Variants in ST8SIA4 observed in about 807,000 individuals in gnomAD.
The protein encoded by ST8SIA4 is ST8 alpha-N-acetyl-neuraminide alpha-2,8-sialyltransferase 4, also known as CMP-N-acetylneuraminate-poly-alpha-2,8-sialyltransferase.
ST8SIA4 carries 15 observed loss-of-function variants against 33.9 expected under a neutral mutation model. The ratio of observed to expected loss-of-function variants is 0.44; its 90% CI spans 0.30 to 0.68. The LOEUF (loss-of-function observed/expected upper bound fraction) is 0.68. ST8SIA4 is among the 30% of genes least tolerant of loss of function. The probability of loss-of-function intolerance (pLI) is 0.10; values close to 1 mark genes in which losing one functional copy is unlikely to be tolerated. For missense variants in ST8SIA4, 321 were observed against 428.0 expected, an observed-to-expected ratio of 0.75 and a Z score of 2.21; for synonymous variants, 171 against 151.2, an observed-to-expected ratio of 1.13 and a Z score of -0.96.
chr5:100,807,480 G>A lies in ST8SIA4; in HGVS notation c.*4367C>T, dbSNP rs975779198. The stretch of plus-strand genomic sequence containing the variant: ...ACAAAGAAACGGTTTTTATTAAAAG[G>A]TGCTACTTAAATGAGAAACACAAGG... On this transcript the variant is annotated 3_prime_UTR_variant, in exon 5 of 5. Transcript: ENST00000231461. 1.3e-5 allele frequency: 2 copies of A among 152,406 alleles called. No homozygotes were observed. Among genetic ancestry groups the A allele is most frequent in the African/African-American group, 4.8e-5 (2 of 41,402 alleles). 9.4% of individuals were successfully genotyped at this position (152,406 alleles called of 1,614,324 possible).
intron 4 of ST8SIA4, among the ~76,000 whole-genome samples, chr5:100,812,936 T>C (rs1201373888): frequency 8.5e-5 from 13 of 152,128 alleles, no homozygotes; most frequent in African/African-American, 2.9e-4. Flanking sequence ...ATGACCTTTT[T>C]TGAAAACAGC....
intron 4 of ST8SIA4, among the ~76,000 whole-genome samples, chr5:100,849,727 G>A (rs1225582722): frequency 6.6e-6 from 1 of 152,106 alleles, no homozygotes; most frequent in Non-Finnish European, 1.5e-5. Flanking sequence ...CTCAGAAGGC[G>A]GAGGTTGCAG....
chr5:100,878,474 G>A (rs1752350903), intron 3 of ST8SIA4, among the ~76,000 whole-genome samples: 1 of 152,224 alleles, frequency 6.6e-6, no homozygotes, highest in Non-Finnish European at 1.5e-5. Context: ...ACTGTGCTGG[G>A]CTGCAAAGTT....
At chr5:100,830,984 GACCTATAGCTTCTCAAAATAAA>G (rs1323986842) in intron 4 of ST8SIA4, among the ~76,000 whole-genome samples, 1 of 152,018 alleles carries the variant, frequency 6.6e-6, no homozygotes. Context: ...CTTAAAATTA[GACCTATAGCTTCTCAAAATAAA>G]ACCTATTACA....
chr5:100,889,593 T>C (rs929144805), intron 2 of ST8SIA4, among the ~76,000 whole-genome samples: 1 of 152,008 alleles, frequency 6.6e-6, no homozygotes, highest in African/African-American at 2.4e-5. Context: ...TGCTGTGTTA[T>C]AGACAGTTAG....
At position 100,873,340 on chromosome 5, in the gene ST8SIA4, A is replaced by G. The variant is rs1580475182; in HGVS notation, c.503+13003T>C. Among the ~76,000 whole-genome samples the G allele has an allele frequency of 3.3e-5, 5 of 152,196 alleles. 1 individual carries two copies. The highest frequency in any genetic ancestry group is 3.3e-4 in the Admixed American group (5 of 15,270). On this transcript the variant is annotated intron_variant, in intron 3 of 4. Coordinates refer to ENST00000231461, the MANE Select transcript of ST8SIA4 (RefSeq NM_005668.6). Reference sequence around the variant, plus strand: ...GATGAGGAGAAGATAGAATGGAGGAAAGGTAAGTAGAAAGAAATAAGTAAA... The same window carrying G: ...GATGAGGAGAAGATAGAATGGAGGAGAGGTAAGTAGAAAGAAATAAGTAAA...
intron 3 of ST8SIA4, among the ~76,000 whole-genome samples, chr5:100,859,729 G>T (rs1751893646): frequency 6.6e-6 from 1 of 151,916 alleles, no homozygotes; most frequent in South Asian, 2.1e-4. Context: ...ATTTATTTTA[G>T]AATTCATAGG....
chr5:100,857,703 T>C (rs984196368), intron 3 of ST8SIA4, among the ~76,000 whole-genome samples: 2 of 152,030 alleles, frequency 1.3e-5, no homozygotes, highest in Non-Finnish European at 2.9e-5. Flanking sequence ...TGTGTTCTGA[T>C]ACTAAAAATA....
Position 100,889,805 on chromosome 5 carries a change from G to A in ST8SIA4, c.246-3205C>T, listed in dbSNP as rs1169021165. ...ATTACTAAATGCAGATTGTAATTAT[G>A]TGTTTTTCCAATGTTGTTATAGGCT... On this transcript the variant is annotated intron_variant, in intron 2 of 4. Coordinates refer to ENST00000231461, the MANE Select transcript of ST8SIA4 (RefSeq NM_005668.6). Among the ~76,000 whole-genome samples the A allele has an allele frequency of 2.0e-5, 3 of 151,976 alleles. No individual in the cohort carries two copies. The East Asian group carries it at 5.8e-4, about 29-fold the overall frequency.
intron 3 of ST8SIA4, chr5:100,885,784 G>A (rs953320638): frequency 6.6e-6 from 6 of 911,202 alleles, no homozygotes; most frequent in African/African-American, 5.4e-5. Context: ...AAACATGCAC[G>A]CTTAATTATG....
chr5:100,848,698 C>T (rs1751620861), intron 4 of ST8SIA4, among the ~76,000 whole-genome samples: 1 of 149,928 alleles, frequency 6.7e-6, no homozygotes, highest in South Asian at 2.1e-4. Context: ...ATATATATAA[C>T]AAATAAATAC....
intron 3 of ST8SIA4, among the ~76,000 whole-genome samples, chr5:100,861,678 C>T (rs557395638): frequency 3.3e-5 from 5 of 152,252 alleles, no homozygotes; most frequent in African/African-American, 1.2e-4. Context: ...AGCTTCATTT[C>T]TATTCTTAGC....
intron 4 of ST8SIA4, among the ~76,000 whole-genome samples, chr5:100,824,672 G>A (rs1751101526): frequency 6.6e-6 from 1 of 151,934 alleles, no homozygotes; most frequent in South Asian, 2.1e-4. Flanking sequence ...AGGTGGAGGG[G>A]GGCAAGGTAA....
At chr5:100,843,554 A>G (rs577729226) in intron 4 of ST8SIA4, among the ~76,000 whole-genome samples, 7 of 152,062 alleles carry the variant, frequency 4.6e-5, no homozygotes, top group African/African-American at 1.7e-4. Context: ...GGATATAGCT[A>G]AACAATATCA....
chr5:100,834,775 C>T, intron 4 of ST8SIA4, among the ~76,000 whole-genome samples: 1 of 152,038 alleles, frequency 6.6e-6, no homozygotes, highest in Non-Finnish European at 1.5e-5. Flanking sequence ...CTGCTCTCAC[C>T]ATGTGAGAGC....
In ST8SIA4 at chr5:100,857,021, T is replaced by C. The variant is rs1274201973; in HGVS notation, c.504-625A>G. Among the ~76,000 whole-genome samples, 4 of 152,268 alleles carry C rather than the reference T, an allele frequency of 2.6e-5. No individual in the cohort carries two copies. In the East Asian group the frequency reaches 7.7e-4, roughly 29 times the overall value. On this transcript the variant is annotated intron_variant, in intron 3 of 4. Coordinates refer to ENST00000231461, the MANE Select transcript of ST8SIA4 (RefSeq NM_005668.6). Reference sequence around the variant, plus strand: ...ATATTTAATATGACTTTCTGGGGTTTTAAGTAATATAGAAAAGCTCTTACT... The same window carrying C: ...ATATTTAATATGACTTTCTGGGGTTCTAAGTAATATAGAAAAGCTCTTACT...
intron 3 of ST8SIA4, chr5:100,886,050 T>C (rs1752528250): frequency 3.6e-6 from 4 of 1,112,550 alleles, no homozygotes; most frequent in Admixed American, 9.2e-5. Context: ...AGAAAAAAGT[T>C]TGTGTGGAAT....
At chr5:100,851,634 A>G (rs1310063923) in intron 4 of ST8SIA4, among the ~76,000 whole-genome samples, 6 of 152,052 alleles carry the variant, frequency 3.9e-5, no homozygotes, top group Non-Finnish European at 4.4e-5. Context: ...GTTTGTGCAT[A>G]TAAAACATAA....
chr5:100,827,344 G>A (rs745779721), intron 4 of ST8SIA4, among the ~76,000 whole-genome samples: 5 of 152,102 alleles, frequency 3.3e-5, no homozygotes, highest in Non-Finnish European at 5.9e-5. Flanking sequence ...TCTTAACTCT[G>A]TATGGCTTAC....
Sources: allele counts gnomAD v4.1 joint callset (sites outside exome capture counted in the v4.1 genomes callset), GRCh38; gene constraint gnomAD v4.1.1; transcripts MANE v1.5; gene names NCBI Gene and HGNC (gene_info 2026-07-23, HGNC 2026-07-21).